The following FAM174B variants were observed in gnomAD, a reference collection of about 807,000 sequenced individuals.
FAM174B encodes family with sequence similarity 174 member B.
A neutral mutation model predicts 10.9 loss-of-function variants in FAM174B; 12 were observed. The observed-to-expected ratio is 1.10, with a 90% CI of 0.71 to 1.79. FAM174B has a LOEUF of 1.79. FAM174B is among the 40% of genes most tolerant of loss of function. FAM174B has a pLI of 0.00. For synonymous variants in FAM174B, 132 were observed against 115.8 expected, an observed-to-expected ratio of 1.14 and a Z score of -0.90; for missense variants, 266 against 233.3, an observed-to-expected ratio of 1.14 and a Z score of -0.91.
chr15:92,640,673 C>A (rs1352714273), intron 1 of FAM174B, among the ~76,000 whole-genome samples: 1 of 149,764 alleles, frequency 6.7e-6, no homozygotes, highest in Non-Finnish European at 1.5e-5. Flanking sequence ...TTTTAAGACA[C>A]AGTCTCACTC....
At chr15:92,635,419 T>A (rs1253793212) in intron 1 of FAM174B, among the ~76,000 whole-genome samples, 1 of 152,052 alleles carries the variant, frequency 6.6e-6, no homozygotes, top group Non-Finnish European at 1.5e-5. Flanking sequence ...GCTGAGAAGT[T>A]TAAAGACATC....
intron 2 of FAM174B, among the ~76,000 whole-genome samples, chr15:92,624,381 G>A (rs896728751): frequency 2.8e-4 from 42 of 151,044 alleles, no homozygotes; most frequent in African/African-American, 9.1e-4. Context: ...AGAAGACCAC[G>A]AGGAAGCCTG....
At chr15:92,634,863 C>T (rs1412637840) in intron 1 of FAM174B, among the ~76,000 whole-genome samples, 2 of 152,184 alleles carry the variant, frequency 1.3e-5, no homozygotes, top group South Asian at 4.1e-4. Flanking sequence ...AAAAACACAG[C>T]TTTCCCTCAA....
At chr15:92,621,938 G>A (rs2050722135) in intron 2 of FAM174B, among the ~76,000 whole-genome samples, 1 of 152,212 alleles carries the variant, frequency 6.6e-6, no homozygotes, top group Admixed American at 6.5e-5. Flanking sequence ...CGAGGATGAA[G>A]GGTGGGGGCA....
intron 2 of FAM174B, among the ~76,000 whole-genome samples, chr15:92,620,552 C>A (rs980712400): frequency 1.3e-5 from 2 of 151,784 alleles, no homozygotes; most frequent in Non-Finnish European, 2.9e-5. Flanking sequence ...TGGTGGCTTA[C>A]GCCTGTAATC....
chr15:92,648,737 C>A (rs2050945334), intron 1 of FAM174B, among the ~76,000 whole-genome samples: 1 of 152,154 alleles, frequency 6.6e-6, no homozygotes, highest in Admixed American at 6.5e-5. Context: ...CCTACAAGAG[C>A]CCTGCCCAAG....
At position 92,629,453 on chromosome 15, in the gene FAM174B, A is replaced by C. The variant is rs545273956; in HGVS notation, c.476+761T>G. 5.9e-5 allele frequency among the ~76,000 whole-genome samples: 9 copies of C among 152,166 alleles called. No homozygotes were observed. In the East Asian group the frequency reaches 1.5e-3, roughly 26 times the overall value. On this transcript the variant is annotated intron_variant, in intron 2 of 2. Transcript: ENST00000327355. ...CTCCATCCAAGCAGGAACGCCACCC[A>C]CCCAGCCACCCACGTCCTCAGCTAC...
At chr15:92,642,088 T>C (rs2050895517) in intron 1 of FAM174B, among the ~76,000 whole-genome samples, 1 of 152,236 alleles carries the variant, frequency 6.6e-6, no homozygotes, top group Admixed American at 6.5e-5. Context: ...TAGCCATCAA[T>C]GCATTGCAAA....
At chr15:92,644,166 C>G (rs1400028962) in intron 1 of FAM174B, among the ~76,000 whole-genome samples, 1 of 152,246 alleles carries the variant, frequency 6.6e-6, no homozygotes, top group South Asian at 2.1e-4. Context: ...TCTGCCCCAC[C>G]CTGTAAGGAA....
At chr15:92,628,784 C>T (rs1241967590) in intron 2 of FAM174B, among the ~76,000 whole-genome samples, 1 of 151,910 alleles carries the variant, frequency 6.6e-6, no homozygotes, top group African/African-American at 2.4e-5. Context: ...TCATTTTCTC[C>T]AGACATGAGT....
At chr15:92,624,781 TG>T (rs1167152204) in intron 2 of FAM174B, among the ~76,000 whole-genome samples, 2 of 152,184 alleles carry the variant, frequency 1.3e-5, no homozygotes, top group Non-Finnish European at 2.9e-5. Flanking sequence ...TCCCTCTTGG[TG>T]GGGAGGCAGG....
intron 1 of FAM174B, among the ~76,000 whole-genome samples, chr15:92,646,343 G>A (rs2050927299): frequency 1.3e-5 from 2 of 152,134 alleles, no homozygotes; most frequent in Admixed American, 1.3e-4. Flanking sequence ...CAGCTGCAAT[G>A]GGAAGGGTGA....
At chr15:92,653,624 G>T (rs2050981653) in intron 1 of FAM174B, among the ~76,000 whole-genome samples, 1 of 152,270 alleles carries the variant, frequency 6.6e-6, no homozygotes, top group Non-Finnish European at 1.5e-5. Context: ...AGCATGGCAT[G>T]GTTGGACTGA....
chr15:92,655,103 G>A (rs1292243161), intron 1 of FAM174B: 1 of 508,778 alleles, frequency 2.0e-6, no homozygotes, highest in Non-Finnish European at 3.1e-6. Context: ...TAGTTAAAGA[G>A]AGGAAAGAAA....
chr15:92,634,878 T>C (rs1010095951), intron 1 of FAM174B, among the ~76,000 whole-genome samples: 1 of 152,008 alleles, frequency 6.6e-6, no homozygotes, highest in Admixed American at 6.5e-5. Flanking sequence ...CCTCAAGGAG[T>C]GGGAGAACTC....
At chr15:92,629,774 G>A (rs1006092288) in intron 2 of FAM174B, among the ~76,000 whole-genome samples, 1 of 152,236 alleles carries the variant, frequency 6.6e-6, no homozygotes, top group Non-Finnish European at 1.5e-5. Flanking sequence ...ACGTGTTGTG[G>A]GAGGGACTCG....
intron 1 of FAM174B, among the ~76,000 whole-genome samples, chr15:92,639,860 C>G (rs1410518087): frequency 6.6e-6 from 1 of 152,228 alleles, no homozygotes; most frequent in Non-Finnish European, 1.5e-5. Context: ...GAAGCAGAAG[C>G]TGCTATGCTT....
At chr15:92,652,217 T>G (rs2050971138) in intron 1 of FAM174B, among the ~76,000 whole-genome samples, 1 of 152,194 alleles carries the variant, frequency 6.6e-6, no homozygotes, top group African/African-American at 2.4e-5. Flanking sequence ...AGAAGTTCGG[T>G]GGCACTTGAC....
At chr15:92,646,838 C>A (rs772626137) in intron 1 of FAM174B, among the ~76,000 whole-genome samples, 1 of 152,280 alleles carries the variant, frequency 6.6e-6, no homozygotes, top group East Asian at 1.9e-4. Flanking sequence ...TGGAAGTTAT[C>A]CCCCCTTCCA....
Sources: gnomAD v4.1 joint callset for allele counts (sites outside exome capture counted in the v4.1 genomes callset) on GRCh38, gnomAD v4.1.1 for gene constraint, MANE v1.5 for transcripts, NCBI Gene and HGNC (gene_info 2026-07-23, HGNC 2026-07-21) for gene names.